Variants in BICD2 observed in about 807,000 individuals in gnomAD.
BICD2 encodes protein bicaudal D homolog 2.
A neutral mutation model predicts 72.9 loss-of-function variants in BICD2; 25 were observed. That is an observed-to-expected ratio of 0.34 (90% confidence interval 0.25 to 0.48). The LOEUF is 0.48. BICD2 is among the 20% of genes least tolerant of loss of function. The pLI is 0.99. For synonymous variants in BICD2, 501 were observed against 516.1 expected (o/e 0.97, Z 0.40); for missense variants, 894 against 1,175.2 (o/e 0.76, Z 3.50).
rs367971149 is a variant in BICD2 at position 92,751,130 on chromosome 9, G to GTT, written c.240+13373_240+13374dup. ...TTCACCATGTTGGCCAGGGTGGTTG[G>GTT]TTTTTTGTTGTTGTTGTTGTTGTTG... is the stretch of plus-strand genomic sequence containing the variant. On this transcript the variant is annotated intron_variant, in intron 1 of 6. Coordinates refer to ENST00000356884, the MANE Select transcript of BICD2 (RefSeq NM_001003800.2). Among the ~76,000 whole-genome samples the GTT allele has an allele frequency of 1.0e-2, 1,473 of 148,018 alleles. 25 individuals carry two copies. The highest frequency in any genetic ancestry group is 0.033 in the African/African-American group (1,340 of 40,722).
At chr9:92,759,935 A>G (rs1374630797) in intron 1 of BICD2, among the ~76,000 whole-genome samples, 1 of 152,214 alleles carries the variant, frequency 6.6e-6, no homozygotes, top group Non-Finnish European at 1.5e-5. Flanking sequence ...GGGGAGACCT[A>G]GCAGGAATCC....
chr9:92,718,560 A>G lies in BICD2; in HGVS notation c.2085T>C (p.Thr695=), dbSNP rs1444368279. ...TKREQITTLR[T]VLKANKQTAE... Reference sequence around the variant, plus strand: ...TCACCTGCTTGTTGGCCTTGAGCACAGTGCGCAGCGTGGTGATCTGCTCCC... The same window carrying G: ...TCACCTGCTTGTTGGCCTTGAGCACGGTGCGCAGCGTGGTGATCTGCTCCC... The change falls in exon 5 of 7, where the codon ACT becomes ACC. Residue 695 remains threonine, a synonymous_variant. Coordinates refer to ENST00000356884, the MANE Select transcript of BICD2 (RefSeq NM_001003800.2). The G allele has an allele frequency of 6.2e-7, 1 of 1,612,008 alleles. No individual in the cohort carries two copies. The highest frequency in any genetic ancestry group is 1.1e-5 in the South Asian group (1 of 90,960).
intron 1 of BICD2, among the ~76,000 whole-genome samples, chr9:92,734,356 A>G (rs1206963011): frequency 6.6e-6 from 1 of 152,094 alleles, no homozygotes; most frequent in Non-Finnish European, 1.5e-5. Context: ...TACTAAAAAT[A>G]CAAAAATTAG....
chr9:92,730,141 T>C (rs907486326), intron 1 of BICD2, among the ~76,000 whole-genome samples: 2 of 152,122 alleles, frequency 1.3e-5, no homozygotes, highest in Non-Finnish European at 1.5e-5. Flanking sequence ...AGGGCTTCCA[T>C]GGGTAGAGGG....
intron 1 of BICD2, among the ~76,000 whole-genome samples, chr9:92,753,060 G>C (rs974288749): frequency 6.6e-6 from 1 of 152,156 alleles, no homozygotes; most frequent in Non-Finnish European, 1.5e-5. Context: ...GTGATGAGAA[G>C]GGCATTTACT....
At chr9:92,751,130 G>GTTTTTTT (rs367971149) in intron 1 of BICD2, among the ~76,000 whole-genome samples, 1 of 147,956 alleles carries the variant, frequency 6.8e-6, no homozygotes, top group Non-Finnish European at 1.5e-5. Flanking sequence ...AGGGTGGTTG[G>GTTTTTTT]TTTTTTGTTG....
intron 1 of BICD2, among the ~76,000 whole-genome samples, chr9:92,763,672 G>C (rs1387139070): frequency 6.6e-6 from 1 of 151,994 alleles, no homozygotes; most frequent in Admixed American, 6.6e-5. Context: ...CTGCCGCCTG[G>C]AGACCCTCGA....
intron 1 of BICD2, among the ~76,000 whole-genome samples, chr9:92,735,919 G>C (rs753802): frequency 0.27 from 41,638 of 152,006 alleles, 6,840 homozygotes; most frequent in East Asian, 0.76. Flanking sequence ...TTCATTCACC[G>C]TAAGGGCTCA....
In BICD2 at chr9:92,717,924, G is replaced by A; in HGVS notation, c.2131C>T (p.Leu711=). 6.2e-7 allele frequency: 1 copy of A among 1,613,570 alleles called. No homozygotes were observed. The highest frequency in any genetic ancestry group is 2.2e-5 in the East Asian group (1 of 44,872). The change falls in exon 6 of 7, where the codon CTG becomes TTG. Residue 711 remains leucine, a synonymous_variant. Coordinates refer to ENST00000356884, the MANE Select transcript of BICD2 (RefSeq NM_001003800.2). ...KQTAEVALAN[L]KSKYENEKAM... is the part of the protein sequence containing the mutation. ...TTCTCATTCTCATACTTGCTCTTCAGGTTGGCAAGGGCCACCTCGGCCGTC... is the reference window on the plus strand; with the variant it reads ...TTCTCATTCTCATACTTGCTCTTCAAGTTGGCAAGGGCCACCTCGGCCGTC...
At chr9:92,716,783 T>C (rs1285595799) in intron 6 of BICD2, among the ~76,000 whole-genome samples, 1 of 152,176 alleles carries the variant, frequency 6.6e-6, no homozygotes, top group Non-Finnish European at 1.5e-5. Flanking sequence ...TGTGAACACT[T>C]AGGGAGCCTC....
rs896299904 is a variant in BICD2 at position 92,712,069 on chromosome 9, C to T, written c.*3085G>A. ...CATTTGCAAAGAATACTATGGCTAACCCTCATCCCCTACTGCGCATGCCAA... is the reference window on the plus strand; with the variant it reads ...CATTTGCAAAGAATACTATGGCTAATCCTCATCCCCTACTGCGCATGCCAA... On this transcript the variant is annotated 3_prime_UTR_variant, in exon 7 of 7. Coordinates refer to ENST00000356884, the MANE Select transcript of BICD2 (RefSeq NM_001003800.2). 6.6e-6 allele frequency: 1 copy of T among 152,584 alleles called. No individual in the cohort carries two copies. Among genetic ancestry groups the T allele is most frequent in the Non-Finnish European group, 1.5e-5 (1 of 68,024 alleles). The allele number at this position is 152,584 out of a possible 1,614,324, so 9.5% of individuals were successfully genotyped here. A position where few individuals can be genotyped will look rare whatever the true frequency, so the allele number is the denominator to read the frequency against.
In BICD2 at chr9:92,720,634, G is replaced by A. The variant is rs748997644; in HGVS notation, c.728C>T (p.Ala243Val). Residue 243 changes from alanine (A) to valine (V), a missense_variant, in exon 4 of 7, where the codon GCG becomes GTG. By Grantham distance (64) the Ala-to-Val change is moderately conservative. This residue lies in a region of BICD2 where 371 missense variants were observed against 439.1 expected (regional missense o/e 0.84). Transcript: ENST00000356884. This position sits in a 1 kb window ranked among gnomAD's most constrained non-coding sequence, Gnocchi z 5.4. Reference protein sequence around the residue: ...KEISERQLEEALETLKTEREQ... With the variant: ...KEISERQLEEVLETLKTEREQ... ...GCGCTCCGTCTTCAGGGTCTCCAGC[G>A]CCTCCTCCAGCTGCCGCTCTGAGAT... is the stretch of plus-strand genomic sequence containing the variant. The A allele has an allele frequency of 5.3e-5, 86 of 1,614,002 alleles. No homozygotes were observed. The East Asian group carries it at 5.8e-4, about 11-fold the overall frequency.
At chr9:92,752,068 GTGC>G (rs1194371291) in intron 1 of BICD2, among the ~76,000 whole-genome samples, 1 of 152,114 alleles carries the variant, frequency 6.6e-6, no homozygotes, top group African/African-American at 2.4e-5. Context: ...GCCTCCCAAA[GTGC>G]TGGGATTACA....
chr9:92,764,655 G>A lies in BICD2; in HGVS notation c.90C>T (p.Ser30=), dbSNP rs1417077198. 22 of 1,592,064 alleles carry A rather than the reference G, an allele frequency of 1.4e-5. No individual in the cohort carries two copies. Among genetic ancestry groups the A allele is most frequent in the Non-Finnish European group, 1.7e-5 (20 of 1,171,790 alleles). The change falls in exon 1 of 7, where the codon TCC becomes TCT. Residue 30 remains serine (S), a synonymous_variant. Coordinates refer to ENST00000356884, the MANE Select transcript of BICD2 (RefSeq NM_001003800.2). This position sits in a 1 kb window ranked among gnomAD's most constrained non-coding sequence, Gnocchi z 5.5. ...EWLRAEVKRL[S]HELAETTREK... Reference sequence around the variant, plus strand: ...CACGCGTGGTCTCGGCCAGCTCGTGGGACAGCCGCTTCACCTCGGCGCGCA... The same window carrying A: ...CACGCGTGGTCTCGGCCAGCTCGTGAGACAGCCGCTTCACCTCGGCGCGCA...
chr9:92,730,292 G>C (rs368471011), intron 1 of BICD2, among the ~76,000 whole-genome samples: 396 of 152,292 alleles, frequency 2.6e-3, no homozygotes, highest in South Asian at 5.4e-3. Context: ...GACTGAAAGC[G>C]GATGGCTTTG....
rs1379719399 is a variant in BICD2, at chr9:92,722,812, T to C, written c.454-4A>G. ...GGATCTCCACATTCTGGTTGATCTG[T>C]TGGGGGAGAGGGAAAGGCAGGTATG... is the stretch of plus-strand genomic sequence containing the variant. On this transcript the variant is annotated splice_region_variant and splice_polypyrimidine_tract_variant and intron_variant, in intron 2 of 6. Transcript: ENST00000356884. 9.9e-6 allele frequency: 16 copies of C among 1,613,904 alleles called. No individual in the cohort carries two copies. The highest frequency in any genetic ancestry group is 1.4e-5 in the Non-Finnish European group (16 of 1,180,008).
Position 92,764,398 on chromosome 9 carries a change from T to A in BICD2, c.240+107A>T. 1.0e-5 allele frequency: 14 copies of A among 1,343,586 alleles called. No homozygotes were observed. The highest frequency in any genetic ancestry group is 9.6e-5 in the East Asian group (3 of 31,386). 83.2% of individuals were successfully genotyped at this position (1,343,586 alleles called of 1,614,324 possible). ...CCCCTCCGCCCCGGCGGCCCACCCCTGCCGGCCCCCGCTTGGCAAGCTGAC... is the reference window on the plus strand; with the variant it reads ...CCCCTCCGCCCCGGCGGCCCACCCCAGCCGGCCCCCGCTTGGCAAGCTGAC... On this transcript the variant is annotated intron_variant, in intron 1 of 6. Coordinates refer to ENST00000356884, the MANE Select transcript of BICD2 (RefSeq NM_001003800.2). The surrounding 1 kb of genome is among the most constrained non-coding windows in gnomAD (Gnocchi z 5.5).
chr9:92,744,107 A>G (rs1486744331), intron 1 of BICD2, among the ~76,000 whole-genome samples: 1 of 152,186 alleles, frequency 6.6e-6, no homozygotes, highest in Non-Finnish European at 1.5e-5. Flanking sequence ...CAGCCACCCC[A>G]TGAGCGTTCT....
chr9:92,737,053 C>G (rs186591143), intron 1 of BICD2, among the ~76,000 whole-genome samples: 1 of 151,978 alleles, frequency 6.6e-6, no homozygotes, highest in South Asian at 2.1e-4. Context: ...CCTGTGAGCA[C>G]GGGCCCATCT....
Sources: gnomAD v4.1 joint callset for allele counts (sites outside exome capture counted in the v4.1 genomes callset) on GRCh38, gnomAD v4.1.1 for gene constraint, gnomAD v4.1.1 regional missense constraint, Gnocchi (gnomAD v3.1) non-coding constraint, MANE v1.5 for transcripts, NCBI Gene and HGNC (gene_info 2026-07-23, HGNC 2026-07-21) for gene names.